Variants in TAF3 observed in about 807,000 individuals in gnomAD.
The protein encoded by TAF3 is transcription initiation factor TFIID subunit 3.
Under a neutral mutation model 80.6 loss-of-function variants are expected in TAF3, and 7 were observed. The ratio of observed to expected loss-of-function variants is 0.09; its 90% CI spans 0.05 to 0.16. TAF3 has a LOEUF of 0.16. TAF3 is among the 10% of genes least tolerant of loss of function. The probability of loss-of-function intolerance (pLI) is 1.00; values close to 1 mark genes in which losing one functional copy is unlikely to be tolerated. For missense variants in TAF3, 921 were observed against 1,140.2 expected (o/e 0.81, Z 2.77); for synonymous variants, 444 against 446.1 (o/e 1.00, Z 0.06).
At chr10:7,968,017 G>T (rs921593655) in intron 3 of TAF3, among the ~76,000 whole-genome samples, 11 of 152,100 alleles carry the variant, frequency 7.2e-5, no homozygotes, top group African/African-American at 2.7e-4. Flanking sequence ...CTTCAACCCC[G>T]TTTAAATCCC....
At chr10:7,833,809 A>G (rs544110545) in intron 2 of TAF3, 30 of 453,062 alleles carry the variant, frequency 6.6e-5, no homozygotes, top group Non-Finnish European at 9.4e-5. Context: ...TGGGTGGCCA[A>G]TTGCAGTTCT....
chr10:7,947,244 A>C lies in TAF3; in HGVS notation c.410-16676A>C, dbSNP rs557251536. On this transcript the variant is annotated intron_variant, in intron 2 of 6. Coordinates refer to ENST00000344293, the MANE Select transcript of TAF3 (RefSeq NM_031923.4). Reference sequence around the variant, plus strand: ...TTCTCTGCTCTGCTGTGCAATCTGCAGGTCACCTTTCCTGCATGCACGGCC... The same window carrying C: ...TTCTCTGCTCTGCTGTGCAATCTGCCGGTCACCTTTCCTGCATGCACGGCC... Among the ~76,000 whole-genome samples the C allele has an allele frequency of 6.5e-4, 99 of 152,262 alleles. 1 individual carries two copies. The highest frequency in any genetic ancestry group is 2.3e-3 in the African/African-American group (96 of 41,572).
intron 2 of TAF3, among the ~76,000 whole-genome samples, chr10:7,840,398 C>T (rs1588519426): frequency 2.0e-5 from 3 of 151,904 alleles, no homozygotes; most frequent in African/African-American, 7.2e-5. Flanking sequence ...GTGATCCGCC[C>T]GCCTCGGCCT....
chr10:7,881,483 A>G (rs962311615), intron 2 of TAF3, among the ~76,000 whole-genome samples: 6 of 132,274 alleles, frequency 4.5e-5, no homozygotes, highest in Admixed American at 2.4e-4. Flanking sequence ...ACACACACAT[A>G]CACACAAACA....
intron 2 of TAF3, among the ~76,000 whole-genome samples, chr10:7,897,610 T>C (rs1837516812): frequency 6.6e-6 from 1 of 152,152 alleles, no homozygotes; most frequent in Non-Finnish European, 1.5e-5. Context: ...TTCCCTGTTT[T>C]ATTTTCGCAT....
Position 7,964,233 on chromosome 10 carries a change from T to A in TAF3, c.723T>A (p.Pro241=), listed in dbSNP as rs1445956752. The A allele has an allele frequency of 1.2e-6, 2 of 1,613,956 alleles. No individual in the cohort carries two copies. The highest frequency in any genetic ancestry group is 1.3e-5 in the African/African-American group (1 of 74,882). Residue 241 remains proline, a synonymous_variant, in exon 3 of 7, where the codon CCT becomes CCA. Transcript: ENST00000344293. This position sits in a 1 kb window ranked among gnomAD's most constrained non-coding sequence, Gnocchi z 4.1. ...VHVQDSTDLA[P]PSPEPPMLAP... is the part of the protein sequence containing the mutation. ...TACAGGACAGTACAGACTTGGCACC[T>A]CCCTCACCCGAGCCGCCAATGTTGG... is the stretch of plus-strand genomic sequence containing the variant.
intron 2 of TAF3, among the ~76,000 whole-genome samples, chr10:7,899,647 A>G (rs1463586765): frequency 2.0e-5 from 3 of 152,204 alleles, no homozygotes; most frequent in Non-Finnish European, 2.9e-5. Flanking sequence ...GAAGAACACA[A>G]AGGAAGAAAT....
At chr10:8,012,236 G>T (rs1293007238) in intron 5 of TAF3, among the ~76,000 whole-genome samples, 1 of 152,124 alleles carries the variant, frequency 6.6e-6, no homozygotes, top group East Asian at 1.9e-4. Flanking sequence ...GACGCTTTGT[G>T]GTTAGAGGAC....
rs533351635 is a variant in TAF3 at position 7,975,574 on chromosome 10, G to C, written c.2233-1667G>C. Among the ~76,000 whole-genome samples the C allele has an allele frequency of 3.3e-5, 5 of 152,278 alleles. No homozygotes were observed. In the East Asian group the frequency reaches 7.7e-4, roughly 24 times the overall value. On this transcript the variant is annotated intron_variant, in intron 3 of 6. Transcript: ENST00000344293. The stretch of plus-strand genomic sequence containing the variant: ...TTAGGTTGGTCCTGGATGTATGGTG[G>C]AATAACTAAGAGGTAAAAGGGTTGG...
chr10:7,871,353 A>ATT (rs1460466939), intron 2 of TAF3, among the ~76,000 whole-genome samples: 1 of 151,302 alleles, frequency 6.6e-6, no homozygotes, highest in Non-Finnish European at 1.5e-5. Flanking sequence ...TATTTATTGG[A>ATT]TTAAAGAAAT....
intron 4 of TAF3, among the ~76,000 whole-genome samples, chr10:7,989,511 C>A (rs1025760801): frequency 2.0e-5 from 3 of 152,140 alleles, no homozygotes; most frequent in African/African-American, 7.2e-5. Context: ...TTTTAAATTT[C>A]CTATGAAATA....
At chr10:7,831,810 C>T (rs952857081) in intron 2 of TAF3, among the ~76,000 whole-genome samples, 16 of 152,084 alleles carry the variant, frequency 1.1e-4, no homozygotes, top group African/African-American at 3.9e-4. Context: ...CATGTATAGT[C>T]ATGTTCTATG....
chr10:7,902,651 C>T (rs186390381), intron 2 of TAF3, among the ~76,000 whole-genome samples: 18 of 152,060 alleles, frequency 1.2e-4, no homozygotes, highest in Admixed American at 1.0e-3. Context: ...TGGTGTCTAT[C>T]GGATGTTTTT....
At chr10:7,828,075 G>A (rs1836761541) in intron 2 of TAF3, among the ~76,000 whole-genome samples, 1 of 152,126 alleles carries the variant, frequency 6.6e-6, no homozygotes, top group African/African-American at 2.4e-5. Flanking sequence ...CGCTATAAGG[G>A]GAATCGGTGT....
chr10:7,831,802 T>C (rs535788536), intron 2 of TAF3, among the ~76,000 whole-genome samples: 6 of 152,212 alleles, frequency 3.9e-5, no homozygotes, highest in Admixed American at 3.9e-4. Context: ...AGACTCAGCA[T>C]GTATAGTCAT....
intron 2 of TAF3, among the ~76,000 whole-genome samples, chr10:7,861,148 T>C (rs543942676): frequency 1.8e-4 from 28 of 152,110 alleles, no homozygotes; most frequent in African/African-American, 5.5e-4. Context: ...GTATGTTTAG[T>C]AGAGATTGGG....
In TAF3 at chr10:7,844,123, A is replaced by G. The variant is rs1452704810; in HGVS notation, c.409+19563A>G. On this transcript the variant is annotated intron_variant, in intron 2 of 6. Coordinates refer to ENST00000344293, the MANE Select transcript of TAF3 (RefSeq NM_031923.4). ...TGGAACTTTGTGAGAATAGTTACGT[A>G]TGAATATACTTAATATTTATTTGCC... 4.6e-5 allele frequency among the ~76,000 whole-genome samples: 7 copies of G among 152,320 alleles called. No individual in the cohort carries two copies. The East Asian group carries it at 1.2e-3, about 25-fold the overall frequency.
At chr10:7,846,929 A>C (rs1245461172) in intron 2 of TAF3, among the ~76,000 whole-genome samples, 1 of 152,232 alleles carries the variant, frequency 6.6e-6, no homozygotes, top group African/African-American at 2.4e-5. Flanking sequence ...TGTGAGACCC[A>C]GAACATTATA....
intron 2 of TAF3, among the ~76,000 whole-genome samples, chr10:7,931,838 T>C (rs1018349918): frequency 1.3e-5 from 2 of 152,230 alleles, no homozygotes; most frequent in Non-Finnish European, 2.9e-5. Context: ...AGTTCCTACC[T>C]GCTCAAAGTA....
Sources: allele counts gnomAD v4.1 joint callset (sites outside exome capture counted in the v4.1 genomes callset), GRCh38; gene constraint gnomAD v4.1.1; non-coding constraint Gnocchi (gnomAD v3.1); transcripts MANE v1.5; gene names NCBI Gene and HGNC (gene_info 2026-07-23, HGNC 2026-07-21).